FGF14: variants seen among roughly 807,000 people sequenced by gnomAD.
FGF14 encodes the protein fibroblast growth factor homologous factor 4.
A neutral mutation model predicts 25.5 loss-of-function variants in FGF14; 5 were observed. The observed-to-expected ratio is 0.20, with a 90% CI of 0.10 to 0.41. FGF14 has a LOEUF of 0.41. FGF14 is among the 10% of genes least tolerant of loss of function. The pLI, the probability that FGF14 is intolerant of heterozygous loss-of-function variation, is 1.00. For missense variants in FGF14, 222 were observed against 320.1 expected, an observed-to-expected ratio of 0.69 and a Z score of 2.34; for synonymous variants, 138 against 118.3, an observed-to-expected ratio of 1.17 and a Z score of -1.08.
chr13:101,879,961 A>G (rs1344092128), intron 1 of FGF14, among the ~76,000 whole-genome samples: 2 of 152,192 alleles, frequency 1.3e-5, no homozygotes, highest in East Asian at 3.9e-4. Flanking sequence ...TGAGAAAATA[A>G]AGGTGGGATA....
intron 1 of FGF14, among the ~76,000 whole-genome samples, chr13:102,001,541 C>T (rs1382808720): frequency 6.6e-6 from 1 of 152,220 alleles, no homozygotes; most frequent in Non-Finnish European, 1.5e-5. Flanking sequence ...CACATGTCCA[C>T]TGCCCATTCT....
At chr13:101,762,010 A>T (rs900943273) in intron 3 of FGF14, among the ~76,000 whole-genome samples, 1 of 152,204 alleles carries the variant, frequency 6.6e-6, no homozygotes, top group Non-Finnish European at 1.5e-5. Context: ...ATATCTGAAT[A>T]CTAAGCAGTA....
At position 101,828,119 on chromosome 13, in the gene FGF14, C is replaced by T. The variant is rs571582350; in HGVS notation, c.408+40606G>A. Among the ~76,000 whole-genome samples the T allele has an allele frequency of 2.1e-3, 325 of 152,026 alleles. 1 individual carries two copies. The highest frequency in any genetic ancestry group is 7.4e-3 in the African/African-American group (309 of 41,500). The stretch of plus-strand genomic sequence containing the variant: ...TATCTTAAATATGCATACACACACA[C>T]ATATATCACATACAGATATTGTTCT... On this transcript the variant is annotated intron_variant, in intron 3 of 4. Transcript: ENST00000376143.
chr13:102,278,247 A>C (rs993538428), intron 1 of FGF14, among the ~76,000 whole-genome samples: 2 of 152,210 alleles, frequency 1.3e-5, no homozygotes, highest in African/African-American at 4.8e-5. Context: ...ATATGACAAA[A>C]CAATGGAGGC....
chr13:101,910,552 T>C (rs774352821), intron 1 of FGF14, among the ~76,000 whole-genome samples: 1 of 151,998 alleles, frequency 6.6e-6, no homozygotes, highest in African/African-American at 2.4e-5. Context: ...CAAAATAAAT[T>C]ACAAAATTTA....
intron 1 of FGF14, among the ~76,000 whole-genome samples, chr13:102,183,995 G>T (rs2048780112): frequency 6.6e-6 from 1 of 152,160 alleles, no homozygotes; most frequent in African/African-American, 2.4e-5. Context: ...CTTCTAGGAG[G>T]TTAAGTAAAT....
intron 3 of FGF14, among the ~76,000 whole-genome samples, chr13:101,817,039 G>A (rs906762729): frequency 3.3e-5 from 5 of 152,024 alleles, no homozygotes; most frequent in African/African-American, 1.2e-4. Context: ...CACCTCACCT[G>A]CCTCTTCCTC....
chr13:102,081,648 G>C (rs78366318), intron 1 of FGF14, among the ~76,000 whole-genome samples: 1,656 of 152,032 alleles, frequency 0.011, 25 homozygotes, highest in African/African-American at 0.038. Flanking sequence ...GACATTTTAC[G>C]AGTTTAAGAT....
chr13:101,883,720 TG>T (rs1194700547), intron 1 of FGF14, among the ~76,000 whole-genome samples: 1 of 152,100 alleles, frequency 6.6e-6, no homozygotes, highest in Non-Finnish European at 1.5e-5. Flanking sequence ...TCATTTAATA[TG>T]CATAGCGACT....
chr13:102,299,673 CG>C (rs1007535138), intron 1 of FGF14: 1 of 152,264 alleles, frequency 6.6e-6, no homozygotes, highest in Non-Finnish European at 1.5e-5. Context: ...GAGGAGGCCC[CG>C]GAAGCGAGGT....
rs146214493 is a variant in FGF14 at position 102,132,729 on chromosome 13, C to T, written c.209-257433G>A. 6.1e-3 allele frequency among the ~76,000 whole-genome samples: 933 copies of T among 152,196 alleles called. 5 individuals carry two copies. Among genetic ancestry groups the T allele is most frequent in the Non-Finnish European group, 9.6e-3 (655 of 68,008 alleles). On this transcript the variant is annotated intron_variant, in intron 1 of 4. Transcript: ENST00000376131. ...AGAGACAAGGTTTCACCATGTTGGC[C>T]AGGCTGGCCTCGAACTCCTGACCTC...
chr13:102,208,607 CT>C (rs1236211793), intron 1 of FGF14, among the ~76,000 whole-genome samples: 2 of 152,150 alleles, frequency 1.3e-5, no homozygotes, highest in Non-Finnish European at 2.9e-5. Context: ...TACATATTCC[CT>C]GTTAAAAACC....
At chr13:102,291,690 A>G (rs766740072) in intron 1 of FGF14, among the ~76,000 whole-genome samples, 17 of 152,302 alleles carry the variant, frequency 1.1e-4, no homozygotes, top group South Asian at 2.1e-4. Flanking sequence ...CTTGATTGGA[A>G]TAAAATCAGA....
At chr13:102,249,501 TG>T (rs2052055677) in intron 1 of FGF14, among the ~76,000 whole-genome samples, 1 of 152,116 alleles carries the variant, frequency 6.6e-6, no homozygotes, top group Non-Finnish European at 1.5e-5. Flanking sequence ...GCAGACTGTG[TG>T]TGAGAGTGAC....
At chr13:102,101,700 C>T (rs968013712) in intron 1 of FGF14, among the ~76,000 whole-genome samples, 2 of 151,612 alleles carry the variant, frequency 1.3e-5, no homozygotes, top group African/African-American at 4.9e-5. Flanking sequence ...CTATCAGTTC[C>T]CCCCAACTTT....
intron 1 of FGF14, among the ~76,000 whole-genome samples, chr13:101,880,922 A>G (rs1167815266): frequency 6.6e-6 from 1 of 152,186 alleles, no homozygotes; most frequent in Non-Finnish European, 1.5e-5. Context: ...AGAGTTGGAG[A>G]AAAGCATGCT....
chr13:101,963,870 G>A (rs2037020726), intron 1 of FGF14, among the ~76,000 whole-genome samples: 1 of 152,170 alleles, frequency 6.6e-6, no homozygotes, highest in Non-Finnish European at 1.5e-5. Flanking sequence ...CTTAGTATAA[G>A]GCAGGAATGT....
intron 1 of FGF14, among the ~76,000 whole-genome samples, chr13:101,898,587 C>A (rs1040682546): frequency 6.6e-6 from 1 of 152,022 alleles, no homozygotes; most frequent in African/African-American, 2.4e-5. Context: ...ATAAGAAAAA[C>A]ATCCTCTCTA....
intron 3 of FGF14, among the ~76,000 whole-genome samples, chr13:101,862,372 A>T (rs907341094): frequency 6.7e-6 from 1 of 150,262 alleles, no homozygotes; most frequent in Admixed American, 6.6e-5. Context: ...TCTTTTTCTT[A>T]GGCTCTCAGT....
Sources: gnomAD v4.1 joint callset for allele counts (sites outside exome capture counted in the v4.1 genomes callset) on GRCh38, gnomAD v4.1.1 for gene constraint, MANE v1.5 for transcripts, NCBI Gene and HGNC (gene_info 2026-07-23, HGNC 2026-07-21) for gene names.